PLCB1: variants seen among roughly 807,000 people sequenced by gnomAD.
PLCB1 encodes the protein 1-phosphatidylinositol 4,5-bisphosphate phosphodiesterase beta-1.
A neutral mutation model predicts 161.8 loss-of-function variants in PLCB1; 46 were observed. The observed-to-expected ratio is 0.28, with a 90% CI of 0.22 to 0.36. PLCB1 has a LOEUF of 0.36. Ranked by LOEUF, PLCB1 falls within the 10% of genes least tolerant of loss-of-function variation. The pLI is 1.00. For missense variants in PLCB1, 1,016 were observed against 1,472.5 expected (o/e 0.69, Z 5.07); for synonymous variants, 517 against 503.7 (o/e 1.03, Z -0.35).
intron 3 of PLCB1, among the ~76,000 whole-genome samples, chr20:8,535,579 A>G (rs1985018886): frequency 1.3e-5 from 2 of 152,288 alleles, no homozygotes; most frequent in South Asian, 4.1e-4. Context: ...GTTGCTCTCA[A>G]TTTTGCCCCC....
intron 3 of PLCB1, among the ~76,000 whole-genome samples, chr20:8,395,917 T>G (rs1484653639): frequency 2.0e-5 from 3 of 152,198 alleles, no homozygotes; most frequent in African/African-American, 4.8e-5. Context: ...GATACTTAAC[T>G]GTACCATGTT....
rs1265934434 is a variant in PLCB1 at position 8,724,682 on chromosome 20, C to T, written c.1608C>T (p.Ala536=). The T allele has an allele frequency of 2.5e-6, 4 of 1,608,890 alleles. No individual in the cohort carries two copies. The highest frequency in any genetic ancestry group is 3.4e-6 in the Non-Finnish European group (4 of 1,175,960). ...GGACTGCTGGAAGTGAGGCTATGGCCACAGAAGAAATGTCTAATCTGGTGA... is the reference window on the plus strand; with the variant it reads ...GGACTGCTGGAAGTGAGGCTATGGCTACAGAAGAAATGTCTAATCTGGTGA... ...DEGTAGSEAM[A]TEEMSNLVNY... Residue 536 remains alanine (A), a synonymous_variant, in exon 16 of 32, where the codon GCC becomes GCT. Transcript: ENST00000338037.
At chr20:8,184,983 T>G (rs2051887224) in intron 2 of PLCB1, among the ~76,000 whole-genome samples, 1 of 151,710 alleles carries the variant, frequency 6.6e-6, no homozygotes, top group African/African-American at 2.4e-5. Context: ...GATGTTCCCC[T>G]CCCTGTGTCC....
intron 3 of PLCB1, among the ~76,000 whole-genome samples, chr20:8,505,127 A>G (rs557402646): frequency 1.3e-5 from 2 of 152,308 alleles, no homozygotes; most frequent in Admixed American, 1.3e-4. Context: ...GATATCCAAA[A>G]GTGCTGGGAT....
chr20:8,194,657 T>C (rs1323539696), intron 2 of PLCB1, among the ~76,000 whole-genome samples: 3 of 152,030 alleles, frequency 2.0e-5, no homozygotes, highest in African/African-American at 7.2e-5. Context: ...ATTTGCAGGA[T>C]GCTTGCTAAC....
intron 4 of PLCB1, among the ~76,000 whole-genome samples, chr20:8,630,016 CTTCT>C (rs1988531718): frequency 1.1e-5 from 1 of 90,598 alleles, no homozygotes; most frequent in Admixed American, 1.4e-4. Flanking sequence ...CTTTCTCTTT[CTTCT>C]TTCCTTTCTT....
intron 3 of PLCB1, among the ~76,000 whole-genome samples, chr20:8,494,929 A>C (rs189375231): frequency 3.9e-4 from 59 of 152,298 alleles, no homozygotes; most frequent in African/African-American, 1.4e-3. Context: ...TTATGTGAGA[A>C]GGCTAAACAT....
At chr20:8,511,671 C>G (rs1165632853) in intron 3 of PLCB1, among the ~76,000 whole-genome samples, 1 of 152,106 alleles carries the variant, frequency 6.6e-6, no homozygotes, top group East Asian at 1.9e-4. Context: ...ACTCCACATT[C>G]TCGCCAACGT....
chr20:8,575,751 T>C (rs1179889015), intron 3 of PLCB1, among the ~76,000 whole-genome samples: 1 of 152,220 alleles, frequency 6.6e-6, no homozygotes, highest in Non-Finnish European at 1.5e-5. Flanking sequence ...TCTGAAATAA[T>C]CTTGATTGGA....
intron 3 of PLCB1, among the ~76,000 whole-genome samples, chr20:8,559,352 G>A (rs73897108): frequency 0.086 from 13,032 of 151,812 alleles, 994 homozygotes; most frequent in African/African-American, 0.2. Flanking sequence ...GAAATGAAAA[G>A]TATACTTCAA....
chr20:8,664,447 A>G (rs866396893), intron 9 of PLCB1, among the ~76,000 whole-genome samples: 4 of 151,064 alleles, frequency 2.6e-5, no homozygotes, highest in Middle Eastern at 6.8e-3. Flanking sequence ...TATCAGTAGG[A>G]AAAAAAAACC....
At chr20:8,303,055 A>G (rs531947745) in intron 2 of PLCB1, among the ~76,000 whole-genome samples, 55 of 152,370 alleles carry the variant, frequency 3.6e-4, no homozygotes, top group African/African-American at 1.3e-3. Context: ...GGAAATATCT[A>G]TACAAAGAGA....
At chr20:8,476,784 C>T (rs1301925555) in intron 3 of PLCB1, among the ~76,000 whole-genome samples, 1 of 152,070 alleles carries the variant, frequency 6.6e-6, no homozygotes, top group African/African-American at 2.4e-5. Flanking sequence ...CTTATCTTCA[C>T]TTGTATTAGG....
intron 2 of PLCB1, among the ~76,000 whole-genome samples, chr20:8,218,568 A>G (rs767967346): frequency 2.4e-4 from 36 of 152,036 alleles, no homozygotes; most frequent in Non-Finnish European, 4.7e-4. Flanking sequence ...TCACAGAGCT[A>G]TTTTGAAGAT....
At chr20:8,419,877 TAACTA>T (rs2053006091) in intron 3 of PLCB1, among the ~76,000 whole-genome samples, 1 of 152,156 alleles carries the variant, frequency 6.6e-6, no homozygotes, top group Non-Finnish European at 1.5e-5. Context: ...TTTTTTAAGA[TAACTA>T]TACTAGACTT....
chr20:8,318,062 C>T (rs1984738935), intron 2 of PLCB1, among the ~76,000 whole-genome samples: 1 of 150,952 alleles, frequency 6.6e-6, no homozygotes, highest in African/African-American at 2.4e-5. Flanking sequence ...CAACACTGAA[C>T]TTGGAATTCA....
At chr20:8,135,395 T>C (rs2051335191) in intron 1 of PLCB1, among the ~76,000 whole-genome samples, 1 of 152,186 alleles carries the variant, frequency 6.6e-6, no homozygotes, top group African/African-American at 2.4e-5. Flanking sequence ...ATGGAAGATG[T>C]CACCCAGAGG....
At chr20:8,665,574 T>C (rs1159902915) in intron 9 of PLCB1, among the ~76,000 whole-genome samples, 1 of 152,196 alleles carries the variant, frequency 6.6e-6, no homozygotes, top group Non-Finnish European at 1.5e-5. Flanking sequence ...AAATGGTCCT[T>C]TCTGACTCAA....
rs6039272 is a variant in PLCB1, at chr20:8,792,227, T to C, written c.3423+1966T>C. The C allele has an allele frequency of 0.9, 161,151 of 179,276 alleles. 73,532 individuals carry two copies. The highest frequency in any genetic ancestry group is 1 in the East Asian group (7,321 of 7,330). The allele number at this position is 179,276 out of a possible 1,614,324, so 11.1% of individuals were successfully genotyped here. Reference sequence around the variant, plus strand: ...TTGAGAAAAACCTTCCTACATCCCCTCTAGCTGGTGTTTCCTCATTGGGTA... The same window carrying C: ...TTGAGAAAAACCTTCCTACATCCCCCCTAGCTGGTGTTTCCTCATTGGGTA... On this transcript the variant is annotated intron_variant, in intron 31 of 31. Transcript: ENST00000338037.
Sources: gnomAD v4.1 joint callset for allele counts (sites outside exome capture counted in the v4.1 genomes callset) on GRCh38, gnomAD v4.1.1 for gene constraint, MANE v1.5 for transcripts, NCBI Gene and HGNC (gene_info 2026-07-23, HGNC 2026-07-21) for gene names.